Variants in ODAD2 observed in about 807,000 individuals in gnomAD.
The protein encoded by ODAD2 is outer dynein arm-docking complex subunit 2.
A neutral mutation model predicts 106.8 loss-of-function variants in ODAD2; 89 were observed. The ratio of observed to expected loss-of-function variants is 0.83; its 90% CI spans 0.70 to 0.99. ODAD2 has a LOEUF of 0.99. ODAD2 is among the 50% of genes least tolerant of loss of function. The pLI is 0.00. For synonymous variants in ODAD2, 404 were observed against 436.2 expected, an observed-to-expected ratio of 0.93 and a Z score of 0.92; for missense variants, 1,168 against 1,238.5, an observed-to-expected ratio of 0.94 and a Z score of 0.85.
intron 17 of ODAD2, among the ~76,000 whole-genome samples, chr10:27,906,556 G>A (rs1213356081): frequency 1.3e-5 from 2 of 152,114 alleles, no homozygotes; most frequent in Non-Finnish European, 2.9e-5. Flanking sequence ...AAAGACACAT[G>A]CACACGTATA....
At chr10:27,890,305 G>A (rs182755449) in intron 17 of ODAD2, among the ~76,000 whole-genome samples, 1 of 152,280 alleles carries the variant, frequency 6.6e-6, no homozygotes, top group African/African-American at 2.4e-5. Flanking sequence ...ATCTGATCAC[G>A]ACAGCATGCA....
chr10:27,983,619 A>G (rs758553200), intron 6 of ODAD2, among the ~76,000 whole-genome samples: 4 of 152,238 alleles, frequency 2.6e-5, no homozygotes. Context: ...GTCACTTTGA[A>G]GCCCATTTCT....
intron 17 of ODAD2, among the ~76,000 whole-genome samples, chr10:27,887,138 T>C (rs990693132): frequency 5.9e-5 from 9 of 152,138 alleles, no homozygotes; most frequent in Admixed American, 5.9e-4. Context: ...GATTTAAGGA[T>C]ACACATAGGT....
Position 27,940,613 on chromosome 10 carries a change from C to T in ODAD2, c.1936G>A (p.Glu646Lys). The change falls in exon 13 of 20, where the codon GAA (glutamate) becomes AAA (lysine). Residue 646 changes from glutamate to lysine, a missense_variant. Physicochemically the swap from Glu to Lys is moderately conservative, Grantham distance 56. This residue lies in a region of ODAD2 where 701 missense variants were observed against 712.3 expected (regional missense o/e 0.98). Transcript: ENST00000305242. ...LLARLLKTSH[E>K]NMLIPVVGTL... ...CCCACCACTGGAATTAGCATGTTTT[C>T]ATGAGAAGTCTTCAGCAGCCGAGCC... is the stretch of plus-strand genomic sequence containing the variant. 1 of 1,614,134 alleles carries T rather than the reference C, an allele frequency of 6.2e-7. No individual in the cohort carries two copies. The highest frequency in any genetic ancestry group is 8.5e-7 in the Non-Finnish European group (1 of 1,179,996).
chr10:27,816,006 T>C (rs1020854445), intron 19 of ODAD2, among the ~76,000 whole-genome samples: 1 of 152,202 alleles, frequency 6.6e-6, no homozygotes, highest in East Asian at 1.9e-4. Flanking sequence ...ATAGATGTTA[T>C]CACTTAGTTG....
chr10:27,868,325 T>G (rs1316607948), intron 17 of ODAD2, among the ~76,000 whole-genome samples: 3 of 152,170 alleles, frequency 2.0e-5, no homozygotes, highest in African/African-American at 4.8e-5. Flanking sequence ...ATCCCATTAC[T>G]TGGGTATATA....
chr10:27,987,450 C>T lies in ODAD2; in HGVS notation c.318G>A (p.Gln106=). Residue 106 remains glutamine (Q), a synonymous_variant, in exon 3 of 20, where the codon CAG becomes CAA. Coordinates refer to ENST00000305242, the MANE Select transcript of ODAD2 (RefSeq NM_018076.5). ...TGGCAATAAGTAACAAGCGTGACAG[C>T]TGCCCAAAGCTCCTAATTTTAATTT... ...VPQIKIRSFG[Q]LSRLLLIAKT... 2.5e-6 allele frequency: 4 copies of T among 1,614,000 alleles called. No homozygotes were observed. The highest frequency in any genetic ancestry group is 3.4e-6 in the Non-Finnish European group (4 of 1,179,952).
intron 19 of ODAD2, among the ~76,000 whole-genome samples, chr10:27,844,149 C>T (rs907249892): frequency 2.0e-5 from 3 of 152,100 alleles, no homozygotes; most frequent in Non-Finnish European, 4.4e-5. Context: ...GAGCTATGAT[C>T]GTGCCACTGT....
At chr10:27,878,628 A>G (rs1841504476) in intron 17 of ODAD2, among the ~76,000 whole-genome samples, 1 of 152,202 alleles carries the variant, frequency 6.6e-6, no homozygotes, top group Admixed American at 6.5e-5. Context: ...ATTTTAAAAT[A>G]GCACATCACA....
intron 19 of ODAD2, among the ~76,000 whole-genome samples, chr10:27,834,718 C>A (rs1837732659): frequency 6.6e-6 from 1 of 152,182 alleles, no homozygotes; most frequent in Admixed American, 6.5e-5. Flanking sequence ...TATCTGCTTG[C>A]AGAAAAGGCT....
chr10:27,971,460 C>G, intron 7 of ODAD2, 147 bp from the exon 8 acceptor site: 1 of 663,020 alleles, frequency 1.5e-6, no homozygotes, highest in Non-Finnish European at 2.5e-6. Flanking sequence ...AGGACAACAT[C>G]AAGACTAAGG....
chr10:27,923,166 T>G (rs911846444), intron 16 of ODAD2, among the ~76,000 whole-genome samples: 5 of 152,188 alleles, frequency 3.3e-5, no homozygotes, highest in Admixed American at 6.5e-5. Flanking sequence ...ATTATTCATA[T>G]CCATGAATGT....
At chr10:27,993,972 A>G (rs61845065) in intron 2 of ODAD2, among the ~76,000 whole-genome samples, 3,410 of 91,996 alleles carry the variant, frequency 0.037, 136 homozygotes, top group African/African-American at 0.092. Context: ...ATATATATAT[A>G]TATGTGTGTG....
At chr10:27,932,287 T>C (rs975249904) in intron 16 of ODAD2, among the ~76,000 whole-genome samples, 3 of 152,084 alleles carry the variant, frequency 2.0e-5, no homozygotes, top group African/African-American at 7.2e-5. Flanking sequence ...TACTAAAGTG[T>C]TGAAATCTCA....
chr10:27,835,540 C>T (rs1452725668), intron 19 of ODAD2, among the ~76,000 whole-genome samples: 1 of 152,096 alleles, frequency 6.6e-6, no homozygotes, highest in Non-Finnish European at 1.5e-5. Context: ...GTCAAAAACC[C>T]ACATATAACT....
intron 17 of ODAD2, among the ~76,000 whole-genome samples, chr10:27,891,042 T>C (rs541910307): frequency 3.0e-4 from 46 of 152,290 alleles, no homozygotes; most frequent in African/African-American, 1.1e-3. Flanking sequence ...GCAATATTCC[T>C]AGCATGAAAC....
chr10:27,826,893 C>G (rs1487095513), intron 19 of ODAD2, among the ~76,000 whole-genome samples: 1 of 151,968 alleles, frequency 6.6e-6, no homozygotes, highest in Non-Finnish European at 1.5e-5. Context: ...CCTCACTCTC[C>G]AGCTACCACT....
chr10:27,946,075 T>C (rs927537334), intron 10 of ODAD2, among the ~76,000 whole-genome samples: 24 of 149,102 alleles, frequency 1.6e-4, no homozygotes, highest in African/African-American at 5.6e-4. Flanking sequence ...ACATTGTCTA[T>C]TTTATAAATT....
intron 2 of ODAD2, among the ~76,000 whole-genome samples, chr10:27,993,980 G>A (rs1435036244): frequency 1.5e-4 from 21 of 136,386 alleles, no homozygotes; most frequent in African/African-American, 4.2e-4. Context: ...ATATATGTGT[G>A]TGTGTGTGTG....
Sources: allele counts gnomAD v4.1 joint callset (sites outside exome capture counted in the v4.1 genomes callset), GRCh38; gene constraint gnomAD v4.1.1; regional missense constraint gnomAD v4.1.1; transcripts MANE v1.5; gene names NCBI Gene and HGNC (gene_info 2026-07-23, HGNC 2026-07-21).